B4GALNT2: variants seen among roughly 807,000 people sequenced by gnomAD.
B4GALNT2 encodes the protein beta-1,4-N-acetyl-galactosaminyltransferase 2 (SID blood group).
In B4GALNT2, 42 loss-of-function variants were observed where a neutral mutation model predicts 51.1. That is an observed-to-expected ratio of 0.82 (90% CI 0.64 to 1.06). The LOEUF is 1.06. Ranked by LOEUF, B4GALNT2 falls within the 50% of genes least tolerant of loss-of-function variation. The probability of loss-of-function intolerance (pLI) is 0.00; values close to 1 mark genes in which losing one functional copy is unlikely to be tolerated. For missense variants in B4GALNT2, 602 were observed against 633.6 expected (o/e 0.95, Z 0.54); for synonymous variants, 253 against 251.7 (o/e 1.01, Z -0.05).
At chr17:49,125,843 T>C in the B4GALNT2 span, among the ~76,000 whole-genome samples, 2 of 124,360 alleles carry the variant, frequency 1.6e-5, no homozygotes, top group East Asian at 2.2e-4. Context: ...GGAGCCCCTC[T>C]GCCCGGCCAG....
chr17:49,136,644 T>C lies in B4GALNT2; in HGVS notation c.14+3838T>C, dbSNP rs369561800. ...CCACTGCAACCTCCACCTCCTGGGTTCAAGTGATTCTTATATCTCAGCCTT... is the reference window on the plus strand; with the variant it reads ...CCACTGCAACCTCCACCTCCTGGGTCCAAGTGATTCTTATATCTCAGCCTT... On this transcript the variant is annotated intron_variant, in intron 1 of 10. Transcript: ENST00000393354. 9.7e-4 allele frequency among the ~76,000 whole-genome samples: 148 copies of C among 152,154 alleles called. 2 individuals are homozygous for C. The highest frequency in any genetic ancestry group is 3.4e-3 in the African/African-American group (141 of 41,502).
Position 49,175,977 on chromosome 17 carries a change from T to C in B4GALNT2, c.*6249T>C, listed in dbSNP as rs1356911887. The C allele has an allele frequency of 1.3e-5, 2 of 152,238 alleles. No individual in the cohort carries two copies. The highest frequency in any genetic ancestry group is 4.8e-5 in the African/African-American group (2 of 41,456). The allele number at this position is 152,238 out of a possible 1,614,324, so 9.4% of individuals were successfully genotyped here. A position where few individuals can be genotyped will look rare whatever the true frequency, so the allele number is the denominator to read the frequency against. On this transcript the variant is annotated 3_prime_UTR_variant, in exon 11 of 11. Transcript: ENST00000393354. ...TGTGTCATCTCTTCTGTTACTTTGT[T>C]ATACTTTCCTTCCTTCTCATCATTA...
intron 3 of B4GALNT2, among the ~76,000 whole-genome samples, chr17:49,151,745 A>C (rs56292267): frequency 0.28 from 35,630 of 126,082 alleles, 4,073 homozygotes; most frequent in East Asian, 0.45. Context: ...ACTCTGTCAC[A>C]AAAAAAAAAA....
intron 3 of B4GALNT2, among the ~76,000 whole-genome samples, chr17:49,146,886 A>C: frequency 6.6e-6 from 1 of 152,220 alleles, no homozygotes; most frequent in East Asian, 1.9e-4. Context: ...GAAGGTTGGC[A>C]CTGCTCTTGC....
chr17:49,132,783 G>A lies in B4GALNT2; in HGVS notation c.-10G>A, dbSNP rs1477745369. Reference sequence around the variant, plus strand: ...TGACATCCGGCAGTCTGAGGGCGGCGGGATTCGGGATGACTTCGGGCGGGT... The same window carrying A: ...TGACATCCGGCAGTCTGAGGGCGGCAGGATTCGGGATGACTTCGGGCGGGT... On this transcript the variant is annotated 5_prime_UTR_variant, in exon 1 of 11. Transcript: ENST00000393354. 7.2e-7 allele frequency: 1 copy of A among 1,381,126 alleles called. No homozygotes were observed. 85.6% of individuals were successfully genotyped at this position (1,381,126 alleles called of 1,614,324 possible). A position where few individuals can be genotyped will look rare whatever the true frequency, so the allele number is the denominator to read the frequency against.
chr17:49,151,008 T>C (rs1044662234), intron 3 of B4GALNT2, among the ~76,000 whole-genome samples: 1 of 151,922 alleles, frequency 6.6e-6, no homozygotes, highest in African/African-American at 2.4e-5. Context: ...TTTTTCAAGG[T>C]AATTAAATGA....
At position 49,168,753 on chromosome 17, in the gene B4GALNT2, C is replaced by G; in HGVS notation, c.1168C>G (p.Leu390Val). The part of the protein sequence containing the change: ...LLEQSENGAC[L>V]HKRMGFFQPL... ...GGAACAGAGTGAGAATGGGGCCTGCCTTCACAAGAGGATGGGATTTTTCCA... is the reference window on the plus strand; with the variant it reads ...GGAACAGAGTGAGAATGGGGCCTGCGTTCACAAGAGGATGGGATTTTTCCA... Residue 390 changes from leucine (L) to valine (V), a missense_variant, in exon 10 of 11, where the codon CTT (leucine) becomes GTT (valine). Leu to Val is a conservative substitution (Grantham distance 32). Transcript: ENST00000393354. 4 of 1,614,118 alleles carry G rather than the reference C, an allele frequency of 2.5e-6. No homozygotes were observed. Among genetic ancestry groups the G allele is most frequent in the Non-Finnish European group, 1.7e-6 (2 of 1,180,030 alleles).
At position 49,155,808 on chromosome 17, in the gene B4GALNT2, C is replaced by T. The variant is rs186230184; in HGVS notation, c.461-758C>T. Among the ~76,000 whole-genome samples the T allele has an allele frequency of 9.5e-3, 1,436 of 150,974 alleles. 26 individuals are homozygous for T. The highest frequency in any genetic ancestry group is 0.033 in the African/African-American group (1,341 of 41,114). On this transcript the variant is annotated intron_variant, in intron 4 of 10. Transcript: ENST00000393354. ...TCGAGATCTCGGCTCACTGCAAGCT[C>T]CGCCTCCCGGGTTCACGCCATTCTC...
intron 1 of B4GALNT2, among the ~76,000 whole-genome samples, chr17:49,140,807 C>T (rs2042636776): frequency 6.6e-6 from 1 of 151,528 alleles, no homozygotes; most frequent in South Asian, 2.1e-4. Context: ...CAACCTCCGC[C>T]TCCCGGGTTC....
Position 49,166,100 on chromosome 17 carries a change from C to A in B4GALNT2, c.955-14C>A. ...ATATGGGCAACCACTCCTTTAACCTCATTTCATCTACAGGGTTGGTTTGCT... is the reference window on the plus strand; with the variant it reads ...ATATGGGCAACCACTCCTTTAACCTAATTTCATCTACAGGGTTGGTTTGCT... On this transcript the variant is annotated splice_polypyrimidine_tract_variant and intron_variant, in intron 8 of 10. Transcript: ENST00000393354. 1 of 1,612,732 alleles carries A rather than the reference C, an allele frequency of 6.2e-7. No homozygotes were observed. Among genetic ancestry groups the A allele is most frequent in the East Asian group, 2.2e-5 (1 of 44,874 alleles).
intron 8 of B4GALNT2, among the ~76,000 whole-genome samples, chr17:49,165,593 ACT>A (rs1423909885): frequency 1.3e-4 from 4 of 30,044 alleles, no homozygotes; most frequent in South Asian, 2.7e-3. Context: ...CTCCCTCCCC[ACT>A]CTCTCTTTCT....
chr17:49,128,907 C>G (rs944713470), upstream of B4GALNT2, among the ~76,000 whole-genome samples: 11 of 151,972 alleles, frequency 7.2e-5, no homozygotes, highest in African/African-American at 2.7e-4. Context: ...CTAGGCATCC[C>G]CAGTCAAAAG....
intron 4 of B4GALNT2, among the ~76,000 whole-genome samples, chr17:49,153,282 G>T (rs1053657733): frequency 6.6e-6 from 1 of 152,090 alleles, no homozygotes; most frequent in Non-Finnish European, 1.5e-5. Flanking sequence ...GGATGTGGCG[G>T]TGGGCAACTG....
chr17:49,158,862 C>G (rs775552144), intron 5 of B4GALNT2, among the ~76,000 whole-genome samples, 175 bp from the exon 6 acceptor site: 3 of 152,120 alleles, frequency 2.0e-5, no homozygotes. Context: ...GGGGCGGGGG[C>G]GCTAGCACAG....
upstream of B4GALNT2, chr17:49,132,463 G>A: frequency 3.1e-6 from 1 of 318,106 alleles, no homozygotes; most frequent in Non-Finnish European, 5.7e-6. Context: ...GTGGGTCAAG[G>A]CCGCGAGGTT....
intron 3 of B4GALNT2, among the ~76,000 whole-genome samples, chr17:49,151,902 T>C (rs1437051900): frequency 3.3e-5 from 5 of 152,174 alleles, no homozygotes; most frequent in African/African-American, 1.2e-4. Context: ...CCACCTCCCT[T>C]CAGGAATTGG....
the B4GALNT2 span, among the ~76,000 whole-genome samples, chr17:49,125,001 C>T: frequency 1.3e-5 from 2 of 152,098 alleles, no homozygotes; most frequent in South Asian, 2.1e-4. Flanking sequence ...ATTCTTTAAC[C>T]TTTTAATCTA....
chr17:49,167,608 C>CT (rs34497598), intron 9 of B4GALNT2, among the ~76,000 whole-genome samples: 39,773 of 114,982 alleles, frequency 0.35, 8,781 homozygotes, highest in African/African-American at 0.48. Flanking sequence ...CTCACCTACT[C>CT]TTTTTTTTTT....
the B4GALNT2 span, among the ~76,000 whole-genome samples, chr17:49,126,650 CTTTTTTT>C: frequency 6.8e-5 from 6 of 88,022 alleles, no homozygotes; most frequent in Non-Finnish European, 1.0e-4. Context: ...TTCTTTCTTT[CTTTTTTT>C]TTTTTTTTTT....
Sources: allele counts gnomAD v4.1 joint callset (sites outside exome capture counted in the v4.1 genomes callset), GRCh38; gene constraint gnomAD v4.1.1; transcripts MANE v1.5; gene names NCBI Gene and HGNC (gene_info 2026-07-23, HGNC 2026-07-21).